SYT9: variants seen among roughly 807,000 people sequenced by gnomAD.
SYT9 encodes the protein synaptotagmin-9.
SYT9 carries 22 observed loss-of-function variants against 48.4 expected under a neutral mutation model. That is an observed-to-expected ratio of 0.45 (90% CI 0.32 to 0.65). The LOEUF is 0.65. Among genes scored for constraint, SYT9 ranks in the 30% least tolerant of loss-of-function variants. The pLI is 0.03. For synonymous variants in SYT9, 265 were observed against 245.0 expected (o/e 1.08, Z -0.76); for missense variants, 577 against 622.0 (o/e 0.93, Z 0.77).
At chr11:7,445,228 A>G (rs946491096) in intron 6 of SYT9, among the ~76,000 whole-genome samples, 3 of 152,212 alleles carry the variant, frequency 2.0e-5, no homozygotes, top group Admixed American at 1.3e-4. Context: ...AAACTTTGAT[A>G]ATTGATATTA....
At chr11:7,300,643 A>T (rs957493670) in intron 1 of SYT9, among the ~76,000 whole-genome samples, 7 of 152,216 alleles carry the variant, frequency 4.6e-5, no homozygotes, top group Non-Finnish European at 1.0e-4. Context: ...GTAGAGAAGA[A>T]GTTTTGTCTC....
At chr11:7,410,774 T>C (rs1318429086) in intron 3 of SYT9, among the ~76,000 whole-genome samples, 2 of 152,232 alleles carry the variant, frequency 1.3e-5, no homozygotes, top group Non-Finnish European at 2.9e-5. Flanking sequence ...AGGCAGCATA[T>C]AGTTGGATAA....
intron 1 of SYT9, among the ~76,000 whole-genome samples, chr11:7,263,906 C>G (rs1484320888): frequency 6.6e-6 from 1 of 151,988 alleles, no homozygotes; most frequent in Admixed American, 6.6e-5. Context: ...GAAACTGATT[C>G]AAAGGATGGC....
At chr11:7,380,450 A>C (rs552087107) in intron 3 of SYT9, among the ~76,000 whole-genome samples, 237 of 152,282 alleles carry the variant, frequency 1.6e-3, no homozygotes, top group Non-Finnish European at 2.5e-3. Flanking sequence ...TTGTGACTCA[A>C]AGGATAAGGG....
rs993023665 is a variant in SYT9, at chr11:7,468,126, T to C, written c.*1326T>C. 9 of 395,646 alleles carry C rather than the reference T, an allele frequency of 2.3e-5. No homozygotes were observed. The highest frequency in any genetic ancestry group is 3.6e-5 in the Non-Finnish European group (8 of 224,464). 24.5% of individuals were successfully genotyped at this position (395,646 alleles called of 1,614,324 possible). Reference sequence around the variant, plus strand: ...ACACATTTGCACCACTACTCCAAGATAGTATTTTTCTTTTCACACAATCTC... The same window carrying C: ...ACACATTTGCACCACTACTCCAAGACAGTATTTTTCTTTTCACACAATCTC... On this transcript the variant is annotated 3_prime_UTR_variant, in exon 7 of 7. Coordinates refer to ENST00000318881, the MANE Select transcript of SYT9 (RefSeq NM_175733.4).
At chr11:7,293,445 T>G (rs1057075387) in intron 1 of SYT9, among the ~76,000 whole-genome samples, 2 of 152,182 alleles carry the variant, frequency 1.3e-5, no homozygotes, top group South Asian at 4.1e-4. Flanking sequence ...CCTTGCAATT[T>G]TCACCATGAA....
intron 1 of SYT9, among the ~76,000 whole-genome samples, chr11:7,281,373 A>C (rs1848489547): frequency 6.6e-6 from 1 of 152,232 alleles, no homozygotes; most frequent in Non-Finnish European, 1.5e-5. Context: ...AGATATTCTG[A>C]CATGTAAAGG....
intron 3 of SYT9, among the ~76,000 whole-genome samples, chr11:7,322,738 A>C (rs911344469): frequency 1.1e-4 from 17 of 152,296 alleles, no homozygotes; most frequent in African/African-American, 3.6e-4. Context: ...AACATCAGTC[A>C]GTCCAGAATT....
rs180862195 is a variant in SYT9 at position 7,279,826 on chromosome 11, A to G, written c.146-23213A>G. Reference sequence around the variant, plus strand: ...TATGATTGTGACCCAGAAATTTCTGATCTTCCTCTACATCTAATTGCCCTG... The same window carrying G: ...TATGATTGTGACCCAGAAATTTCTGGTCTTCCTCTACATCTAATTGCCCTG... On this transcript the variant is annotated intron_variant, in intron 1 of 6. Coordinates refer to ENST00000318881, the MANE Select transcript of SYT9 (RefSeq NM_175733.4). Among the ~76,000 whole-genome samples, 57 of 152,290 alleles carry G rather than the reference A, an allele frequency of 3.7e-4. 2 individuals are homozygous for G. The highest frequency in any genetic ancestry group is 6.8e-3 in the Middle Eastern group (2 of 294).
chr11:7,246,099 T>A (rs1847788029), intron 1 of SYT9, among the ~76,000 whole-genome samples: 1 of 152,188 alleles, frequency 6.6e-6, no homozygotes. Context: ...CTCAAAAGAT[T>A]TACTTTTACT....
intron 1 of SYT9, among the ~76,000 whole-genome samples, chr11:7,285,824 G>A (rs1848585979): frequency 6.6e-6 from 1 of 152,218 alleles, no homozygotes; most frequent in Non-Finnish European, 1.5e-5. Context: ...ATGCAAGTCT[G>A]AAATCCAACA....
chr11:7,240,376 C>T (rs1847728407), intron 1 of SYT9, among the ~76,000 whole-genome samples: 2 of 152,064 alleles, frequency 1.3e-5, no homozygotes, highest in South Asian at 4.1e-4. Context: ...CCGCTAGATA[C>T]TGAAGAAAAA....
At chr11:7,270,328 T>C (rs1232914328) in intron 1 of SYT9, among the ~76,000 whole-genome samples, 1 of 152,230 alleles carries the variant, frequency 6.6e-6, no homozygotes, top group Non-Finnish European at 1.5e-5. Flanking sequence ...AACGCTGTTA[T>C]AGGCTGTTTG....
intron 1 of SYT9, among the ~76,000 whole-genome samples, chr11:7,275,198 T>C (rs980893417): frequency 6.6e-6 from 1 of 151,840 alleles, no homozygotes; most frequent in African/African-American, 2.4e-5. Context: ...CTATGAACTT[T>C]GCCAGTGTAG....
chr11:7,240,099 G>C (rs1328978969), intron 1 of SYT9, among the ~76,000 whole-genome samples: 1 of 152,098 alleles, frequency 6.6e-6, no homozygotes. Flanking sequence ...TTAGAGGTCA[G>C]GTAGAAGAGG....
chr11:7,271,865 C>A (rs187575475), intron 1 of SYT9, among the ~76,000 whole-genome samples: 1 of 152,098 alleles, frequency 6.6e-6, no homozygotes, highest in African/African-American at 2.4e-5. Flanking sequence ...CATGAGCCAC[C>A]GCACCTGGCC....
chr11:7,274,842 G>T (rs1848357965), intron 1 of SYT9, among the ~76,000 whole-genome samples: 1 of 152,096 alleles, frequency 6.6e-6, no homozygotes, highest in Admixed American at 6.6e-5. Flanking sequence ...AAGGCCATCT[G>T]CTCAGAAAAC....
At chr11:7,361,455 C>T (rs575165487) in intron 3 of SYT9, among the ~76,000 whole-genome samples, 2 of 152,124 alleles carry the variant, frequency 1.3e-5, no homozygotes, top group South Asian at 4.1e-4. Flanking sequence ...TGTATATAGT[C>T]AACTTTTATA....
chr11:7,239,572 G>T (rs781308533), intron 1 of SYT9, among the ~76,000 whole-genome samples: 1 of 152,118 alleles, frequency 6.6e-6, no homozygotes, highest in Non-Finnish European at 1.5e-5. Flanking sequence ...CCTGGAAGAA[G>T]GTGGCTACAT....
Sources: gnomAD v4.1 joint callset for allele counts (sites outside exome capture counted in the v4.1 genomes callset) on GRCh38, gnomAD v4.1.1 for gene constraint, MANE v1.5 for transcripts, NCBI Gene and HGNC (gene_info 2026-07-23, HGNC 2026-07-21) for gene names.